The following SLC17A5 variants were observed in gnomAD, a reference collection of about 807,000 sequenced individuals.
The protein encoded by SLC17A5 is solute carrier family 17 member 5.
SLC17A5 carries 47 observed loss-of-function variants against 59.4 expected under a neutral mutation model. The ratio of observed to expected loss-of-function variants is 0.79; its 90% CI spans 0.63 to 1.01. SLC17A5 has a LOEUF of 1.01. Among genes scored for constraint, SLC17A5 ranks in the 50% least tolerant of loss-of-function variants. The pLI is 0.00. For synonymous variants in SLC17A5, 202 were observed against 210.7 expected (o/e 0.96, Z 0.36); for missense variants, 522 against 595.5 (o/e 0.88, Z 1.28).
intron 10 of SLC17A5, 95 bp from the exon 11 acceptor site, chr6:73,595,309 C>T (rs1766745556): frequency 2.9e-6 from 4 of 1,363,292 alleles, no homozygotes; most frequent in Middle Eastern, 2.4e-4. Context: ...AAAACAGCCA[C>T]ATTATTCATA....
chr6:73,619,419 G>A (rs1768032963), intron 7 of SLC17A5, among the ~76,000 whole-genome samples: 1 of 152,104 alleles, frequency 6.6e-6, no homozygotes, highest in South Asian at 2.1e-4. Context: ...CAGGCAGGGT[G>A]GTTCATGCCT....
At position 73,653,851 on chromosome 6, in the gene SLC17A5, A is replaced by C. The variant is rs776780567; in HGVS notation, c.36T>G (p.Asp12Glu). The change falls in exon 1 of 11, where the codon GAT becomes GAG. Residue 12 changes from aspartate to glutamate, a missense_variant. Physicochemically the swap from Asp to Glu is conservative, Grantham distance 45. Transcript: ENST00000355773. ...GCGTGCGGTCCGTGCTCTCCTCGCC[A>C]TCGTTCCGGGCCAGGTCTCGAACCG... ...RSPVRDLARN[D>E]GEESTDRTPL... is the part of the protein sequence containing the mutation. The C allele has an allele frequency of 6.2e-7, 1 of 1,606,910 alleles. No individual in the cohort carries two copies. Among genetic ancestry groups the C allele is most frequent in the African/African-American group, 1.3e-5 (1 of 74,752 alleles).
chr6:73,650,214 A>AG lies in SLC17A5; in HGVS notation c.94+3578_94+3579insC, dbSNP rs1401202471. ...TTTTTCTACAAAAAAAAAAAAAAAA[A>AG]AGAAAGAAAAAAAGGCCGGGCACGG... On this transcript the variant is annotated intron_variant, in intron 1 of 10. Transcript: ENST00000355773. Among the ~76,000 whole-genome samples, 31 of 27,932 alleles carry AG rather than the reference A, an allele frequency of 1.1e-3. 1 individual carries two copies. Among genetic ancestry groups the AG allele is most frequent in the African/African-American group, 1.7e-3 (20 of 11,818 alleles). 18.3% of individuals were successfully genotyped at this position (27,932 alleles called of 152,430 possible). A position where few individuals can be genotyped will look rare whatever the true frequency, so the allele number is the denominator to read the frequency against.
rs200632199 is a variant in SLC17A5, at chr6:73,600,406, A to G, written c.1295T>C (p.Phe432Ser). 2.4e-4 allele frequency: 383 copies of G among 1,614,006 alleles called. No homozygotes were observed. Among genetic ancestry groups the G allele is most frequent in the Non-Finnish European group, 2.9e-4 (340 of 1,179,988 alleles). ...AGILLGITNT[F>S]ATIPGMVGPV... is the part of the protein sequence containing the mutation. The stretch of plus-strand genomic sequence containing the variant: ...CCCAACCATTCCTGGAATAGTGGCA[A>G]ATGTATTTGTGATGCCCAGGAGGAT... The change falls in exon 10 of 11, where the codon TTT becomes TCT. Residue 432 changes from phenylalanine to serine, a missense_variant. By Grantham distance (155) the Phe-to-Ser change is radical (BLOSUM62 -2). Transcript: ENST00000355773.
At chr6:73,595,285 G>A in intron 10 of SLC17A5, 71 bp from the exon 11 acceptor site, 1 of 1,540,260 alleles carries the variant, frequency 6.5e-7, no homozygotes, top group Non-Finnish European at 8.9e-7. Context: ...AAAAGATAGT[G>A]TCACAAGAGT....
chr6:73,595,016 C>T lies in SLC17A5; in HGVS notation c.*61G>A. On this transcript the variant is annotated 3_prime_UTR_variant, in exon 11 of 11. Transcript: ENST00000355773. ...GAATGCTTACACAATACAGAAGGCA[C>T]TTTGAGGTTACATGATAAATAAAAA... The T allele has an allele frequency of 1.9e-6, 3 of 1,583,750 alleles. No individual in the cohort carries two copies. The highest frequency in any genetic ancestry group is 1.7e-5 in the Admixed American group (1 of 59,944).
chr6:73,627,382 A>C (rs1230834286), intron 6 of SLC17A5, among the ~76,000 whole-genome samples: 1 of 152,040 alleles, frequency 6.6e-6, no homozygotes, highest in African/African-American at 2.4e-5. Context: ...GCCAAAACTA[A>C]ATTTTTAATT....
At chr6:73,595,527 C>T (rs939139856) in intron 10 of SLC17A5, among the ~76,000 whole-genome samples, 1 of 152,022 alleles carries the variant, frequency 6.6e-6, no homozygotes, top group Admixed American at 6.6e-5. Flanking sequence ...CCATACTAAT[C>T]TATGGGGTTA....
chr6:73,594,657 T>A lies in SLC17A5; in HGVS notation c.*420A>T. On this transcript the variant is annotated 3_prime_UTR_variant, in exon 11 of 11. Coordinates refer to ENST00000355773, the MANE Select transcript of SLC17A5 (RefSeq NM_012434.5). ...TCCACAGAGATGCTAAAGTTTGAGG[T>A]CTAAGTGTCAGAGAGAGCTGACAAT... is the stretch of plus-strand genomic sequence containing the variant. 1 of 228,572 alleles carries A rather than the reference T, an allele frequency of 4.4e-6. No homozygotes were observed. The highest frequency in any genetic ancestry group is 8.7e-6 in the Non-Finnish European group (1 of 115,034). The allele number at this position is 228,572 out of a possible 1,614,324, so 14.2% of individuals were successfully genotyped here.
intron 1 of SLC17A5, among the ~76,000 whole-genome samples, chr6:73,648,456 G>C (rs1351898942): frequency 6.6e-6 from 1 of 152,174 alleles, no homozygotes; most frequent in African/African-American, 2.4e-5. Flanking sequence ...ATTTAGAGTG[G>C]GACCTGGGAA....
At position 73,610,387 on chromosome 6, in the gene SLC17A5, T is replaced by C. The variant is rs1415094282; in HGVS notation, c.1259+13A>G. 2 of 1,613,454 alleles carry C rather than the reference T, an allele frequency of 1.2e-6. No homozygotes were observed. The highest frequency in any genetic ancestry group is 1.3e-5 in the African/African-American group (1 of 74,900). ...TAAAGTCAATCACAGCAAATCTTTA[T>C]ATTAGTACTCACGAAGGAGCAATAT... On this transcript the variant is annotated intron_variant, in intron 9 of 10. Transcript: ENST00000355773.
intron 8 of SLC17A5, among the ~76,000 whole-genome samples, chr6:73,611,906 C>T (rs1172149848): frequency 6.6e-6 from 1 of 152,154 alleles, no homozygotes; most frequent in Non-Finnish European, 1.5e-5. Context: ...GATCATGGCT[C>T]ACTGCAGCCT....
intron 9 of SLC17A5, among the ~76,000 whole-genome samples, chr6:73,608,754 G>A (rs144941451): frequency 2.6e-5 from 4 of 152,296 alleles, no homozygotes; most frequent in South Asian, 2.1e-4. Context: ...TGTGGCCCAC[G>A]CCTGTAATCC....
chr6:73,629,309 A>G (rs1013774066), intron 6 of SLC17A5, among the ~76,000 whole-genome samples: 6 of 152,026 alleles, frequency 3.9e-5, no homozygotes, highest in Non-Finnish European at 8.8e-5. Context: ...GATGGCTTGA[A>G]CCCGGGAGGC....
chr6:73,635,676 C>T (rs1458128959), intron 5 of SLC17A5, among the ~76,000 whole-genome samples, 176 bp from the exon 6 acceptor site: 1 of 151,852 alleles, frequency 6.6e-6, no homozygotes, highest in Non-Finnish European at 1.5e-5. Flanking sequence ...TTTCAAGTTT[C>T]TCTCAATTCT....
chr6:73,641,314 A>C lies in SLC17A5; in HGVS notation c.525+377T>G, dbSNP rs555611187. Among the ~76,000 whole-genome samples the C allele has an allele frequency of 7.2e-5, 11 of 152,246 alleles. No individual in the cohort carries two copies. In the South Asian group the frequency reaches 2.3e-3, roughly 32 times the overall value. On this transcript the variant is annotated intron_variant, in intron 3 of 10. Coordinates refer to ENST00000355773, the MANE Select transcript of SLC17A5 (RefSeq NM_012434.5). ...GGCTGGTCTCAAACTCCTAACCTCA[A>C]GTGATCCACCTACCTTGGCCTCCCA...
intron 5 of SLC17A5, 145 bp downstream of exon 5, chr6:73,636,476 T>TA (rs1168126229): frequency 1.3e-5 from 8 of 608,698 alleles, no homozygotes; most frequent in Non-Finnish European, 2.4e-5. Flanking sequence ...AAGTAAATCA[T>TA]ACCAACTTGA....
intron 9 of SLC17A5, among the ~76,000 whole-genome samples, chr6:73,602,451 T>C (rs138498527): frequency 6.7e-6 from 1 of 149,874 alleles, no homozygotes; most frequent in African/African-American, 2.5e-5. Context: ...AAATAAAAAT[T>C]AACAACAACA....
chr6:73,623,259 G>T (rs199847443), intron 6 of SLC17A5, among the ~76,000 whole-genome samples: 1 of 152,000 alleles, frequency 6.6e-6, no homozygotes, highest in African/African-American at 2.4e-5. Context: ...GGCTGGTCTC[G>T]AACTCCTGAC....
Sources: gnomAD v4.1 joint callset for allele counts (sites outside exome capture counted in the v4.1 genomes callset) on GRCh38, gnomAD v4.1.1 for gene constraint, MANE v1.5 for transcripts, NCBI Gene and HGNC (gene_info 2026-07-23, HGNC 2026-07-21) for gene names.